The following DACH2 variants were observed in gnomAD, a reference collection of about 807,000 sequenced individuals.
DACH2 encodes dachshund family transcription factor 2, also known as dachshund homolog 2.
DACH2 carries 17 observed loss-of-function variants against 35.8 expected under a neutral mutation model. That is an observed-to-expected ratio of 0.48 (90% CI 0.33 to 0.71). The LOEUF is 0.71. Among genes scored for constraint, DACH2 ranks in the 30% least tolerant of loss-of-function variants. The pLI, the probability that DACH2 is intolerant of heterozygous loss-of-function variation, is 0.02. For missense variants in DACH2, 469 were observed against 472.7 expected, an observed-to-expected ratio of 0.99 and a Z score of 0.07; for synonymous variants, 195 against 177.3, an observed-to-expected ratio of 1.10 and a Z score of -0.79.
At chrX:86,682,591 A>C (rs766733131) in intron 4 of DACH2, among the ~76,000 whole-genome samples, 1 of 111,784 alleles carries the variant, frequency 8.9e-6, no homozygotes, top group African/African-American at 3.2e-5. Context: ...TGTAAGCAGC[A>C]GCCGGTAACT....
At chrX:86,810,296 C>T (rs764000271) in intron 7 of DACH2, among the ~76,000 whole-genome samples, 1 of 111,423 alleles carries the variant, frequency 9.0e-6, no homozygotes, top group African/African-American at 3.3e-5. Flanking sequence ...TAAAGCAATC[C>T]TCAGAGTCTC....
At chrX:86,446,540 C>T (rs1475192328) in intron 2 of DACH2, among the ~76,000 whole-genome samples, 1 of 49,257 alleles carries the variant, frequency 2.0e-5, no homozygotes, top group East Asian at 6.7e-4. Flanking sequence ...TGAGAATATG[C>T]GGTGTTTGGT....
intron 3 of DACH2, among the ~76,000 whole-genome samples, chrX:86,572,997 G>C (rs2039390717): frequency 9.0e-6 from 1 of 111,381 alleles, no homozygotes; most frequent in African/African-American, 3.3e-5. Context: ...TTTGATTTCT[G>C]TTTGCTCTTA....
At chrX:86,270,045 T>TG (rs1207898828) in intron 1 of DACH2, among the ~76,000 whole-genome samples, 4 of 103,492 alleles carry the variant, frequency 3.9e-5, no homozygotes, top group Admixed American at 3.2e-4. Flanking sequence ...ATATATTTTT[T>TG]TTTTTTCCTA....
At chrX:86,238,118 C>G (rs1031924779) in intron 1 of DACH2, among the ~76,000 whole-genome samples, 5 of 112,305 alleles carry the variant, frequency 4.5e-5, no homozygotes, top group Non-Finnish European at 7.5e-5. Flanking sequence ...GGGTCATATT[C>G]ACAATAATAA....
chrX:86,617,404 A>C (rs1020405181), intron 3 of DACH2, among the ~76,000 whole-genome samples: 2 of 111,383 alleles, frequency 1.8e-5, no homozygotes, highest in Non-Finnish European at 3.8e-5. Flanking sequence ...CTTTCTAGCT[A>C]CAAGCACGAG....
intron 3 of DACH2, among the ~76,000 whole-genome samples, chrX:86,643,151 A>G (rs1423553729): frequency 9.5e-6 from 1 of 105,106 alleles, no homozygotes; most frequent in East Asian, 3.0e-4. Flanking sequence ...GCCATTCAAA[A>G]GATCAGTGAA....
At chrX:86,718,923 C>T (rs895552117) in intron 6 of DACH2, among the ~76,000 whole-genome samples, 1 of 111,718 alleles carries the variant, frequency 9.0e-6, no homozygotes, top group East Asian at 2.8e-4. Context: ...ATGCCTCCAG[C>T]CTTATTCTTT....
intron 3 of DACH2, among the ~76,000 whole-genome samples, chrX:86,629,014 G>A (rs767732811): frequency 8.9e-6 from 1 of 112,044 alleles, no homozygotes; most frequent in African/African-American, 3.2e-5. Context: ...TTGAATTTGA[G>A]GTTAATTTCC....
intron 1 of DACH2, among the ~76,000 whole-genome samples, chrX:86,365,171 T>C (rs1431250489): frequency 9.6e-6 from 1 of 104,366 alleles, no homozygotes; most frequent in African/African-American, 3.5e-5. Context: ...TACACATATA[T>C]TGTACATTTT....
chrX:86,479,442 C>T (rs746140710), intron 2 of DACH2, among the ~76,000 whole-genome samples: 1 of 111,190 alleles, frequency 9.0e-6, no homozygotes, highest in Admixed American at 9.6e-5. Context: ...TTATTAAGTT[C>T]CTTGAGGTAG....
intron 1 of DACH2, among the ~76,000 whole-genome samples, chrX:86,242,802 G>A (rs982055997): frequency 1.3e-4 from 15 of 111,366 alleles, no homozygotes; most frequent in African/African-American, 4.6e-4. Context: ...GATAGTGAGC[G>A]TGTTCTCATG....
intron 2 of DACH2, among the ~76,000 whole-genome samples, chrX:86,458,973 C>A (rs1481916827): frequency 9.0e-6 from 1 of 110,559 alleles, no homozygotes; most frequent in African/African-American, 3.3e-5. Flanking sequence ...ACCCATGTAA[C>A]AAAACTGCAC....
chrX:86,292,674 T>A (rs771911393), intron 1 of DACH2, among the ~76,000 whole-genome samples: 2 of 111,526 alleles, frequency 1.8e-5, no homozygotes, highest in Non-Finnish European at 3.8e-5. Flanking sequence ...TGCCTTCATT[T>A]CGTTATGTAC....
intron 7 of DACH2, chrX:86,799,198 G>C (rs1750197517): frequency 7.9e-6 from 2 of 253,959 alleles, no homozygotes; most frequent in Non-Finnish European, 1.5e-5. Flanking sequence ...GAAACTGAAG[G>C]CACTTTCCTT....
chrX:86,219,889 C>T lies in DACH2; in HGVS notation c.488+70781C>T, dbSNP rs181452378. 4.8e-3 allele frequency among the ~76,000 whole-genome samples: 523 copies of T among 107,977 alleles called. 2 individuals carry two copies. Among genetic ancestry groups the T allele is most frequent in the Non-Finnish European group, 8.4e-3 (441 of 52,264 alleles). 93.8% of individuals were successfully genotyped at this position (107,977 alleles called of 115,157 possible). On this transcript the variant is annotated intron_variant, in intron 1 of 11. Transcript: ENST00000373125. ...GTTTTCTCCTGGCCGGGAGCGGTGG[C>T]TCACACCTGTAATCCCAGCACTTTG...
intron 2 of DACH2, among the ~76,000 whole-genome samples, chrX:86,380,277 C>G (rs921485525): frequency 9.1e-6 from 1 of 109,947 alleles, no homozygotes; most frequent in Non-Finnish European, 1.9e-5. Flanking sequence ...TATGATTTAC[C>G]CAAGGTCATA....
intron 2 of DACH2, among the ~76,000 whole-genome samples, chrX:86,399,032 A>G (rs1014927556): frequency 9.0e-6 from 1 of 111,393 alleles, no homozygotes; most frequent in South Asian, 3.8e-4. Context: ...GTCTCTTTGT[A>G]GGTCACTAAG....
chrX:86,348,921 C>G (rs2148069491), intron 1 of DACH2, among the ~76,000 whole-genome samples: 1 of 112,107 alleles, frequency 8.9e-6, no homozygotes, highest in East Asian at 2.9e-4. Flanking sequence ...GGGCTCCGAC[C>G]CCTAGGCAGC....
Sources: gnomAD v4.1 joint callset for allele counts (sites outside exome capture counted in the v4.1 genomes callset) on GRCh38, gnomAD v4.1.1 for gene constraint, MANE v1.5 for transcripts, NCBI Gene and HGNC (gene_info 2026-07-23, HGNC 2026-07-21) for gene names.